The following DMD variants were observed in gnomAD, a reference collection of about 807,000 sequenced individuals.
DMD encodes the protein dystrophin.
Under a neutral mutation model 330.1 loss-of-function variants are expected in DMD, and 63 were observed. That is an observed-to-expected ratio of 0.19 (90% CI 0.16 to 0.24). The LOEUF (loss-of-function observed/expected upper bound fraction) is 0.24. Ranked by LOEUF, DMD falls within the 10% of genes least tolerant of loss-of-function variation. The pLI is 1.00. For synonymous variants in DMD, 1,223 were observed against 959.8 expected, an observed-to-expected ratio of 1.27 and a Z score of -5.07; for missense variants, 3,344 against 2,684.1, an observed-to-expected ratio of 1.25 and a Z score of -5.43.
intron 1 of DMD, among the ~76,000 whole-genome samples, chrX:33,151,001 C>A (rs983147856): frequency 1.8e-5 from 2 of 111,837 alleles, no homozygotes; most frequent in Non-Finnish European, 3.8e-5. Flanking sequence ...AAACTATATA[C>A]CAGACTATTA....
chrX:32,755,234 G>T (rs1314412972), intron 7 of DMD, among the ~76,000 whole-genome samples: 1 of 109,779 alleles, frequency 9.1e-6, no homozygotes, highest in Non-Finnish European at 1.9e-5. Flanking sequence ...TGAATGAGTA[G>T]TTCTAAGTAA....
At chrX:32,467,621 C>A (rs2040167681) in intron 23 of DMD, among the ~76,000 whole-genome samples, 1 of 88,481 alleles carries the variant, frequency 1.1e-5, no homozygotes, top group African/African-American at 3.8e-5. Flanking sequence ...ATATATAATT[C>A]CATTATACAC....
chrX:31,951,771 A>G (rs758017744), intron 45 of DMD, among the ~76,000 whole-genome samples: 40 of 111,411 alleles, frequency 3.6e-4, no homozygotes, highest in Middle Eastern at 9.3e-3. Context: ...ACAGTCTTTT[A>G]TATGTATCTA....
intron 53 of DMD, among the ~76,000 whole-genome samples, chrX:31,661,919 G>T (rs1424072728): frequency 8.9e-6 from 1 of 111,896 alleles, no homozygotes; most frequent in East Asian, 2.8e-4. Flanking sequence ...GAGACAACCT[G>T]AATTAATTTC....
At chrX:31,299,364 A>T (rs926870623) in intron 62 of DMD, among the ~76,000 whole-genome samples, 4 of 111,930 alleles carry the variant, frequency 3.6e-5, no homozygotes, top group African/African-American at 1.3e-4. Context: ...GGTAAAAAAA[A>T]AGCACATCTC....
At chrX:33,026,716 A>C (rs1451726802) in intron 1 of DMD, among the ~76,000 whole-genome samples, 1 of 111,912 alleles carries the variant, frequency 8.9e-6, no homozygotes, top group African/African-American at 3.3e-5. Flanking sequence ...TAAAATAATT[A>C]AACTTCTGCA....
At chrX:31,340,543 A>T (rs1258436400) in intron 61 of DMD, among the ~76,000 whole-genome samples, 2 of 111,308 alleles carry the variant, frequency 1.8e-5, no homozygotes, top group Admixed American at 1.9e-4. Context: ...TTTTTATTTT[A>T]TTTTGTAATA....
chrX:33,092,203 A>G (rs2095094597), intron 1 of DMD, among the ~76,000 whole-genome samples: 1 of 111,841 alleles, frequency 8.9e-6, no homozygotes, highest in African/African-American at 3.2e-5. Flanking sequence ...AGCAGCCATG[A>G]ATATCTCCTA....
At chrX:32,142,782 C>T (rs1364376859) in intron 44 of DMD, among the ~76,000 whole-genome samples, 1 of 112,402 alleles carries the variant, frequency 8.9e-6, no homozygotes, top group Non-Finnish European at 1.9e-5. Flanking sequence ...GCACACTATA[C>T]ATTTACCAAA....
Position 32,561,633 on chromosome X carries a change from C to T in DMD, c.1992+4069G>A, listed in dbSNP as rs976667341. On this transcript the variant is annotated intron_variant, in intron 16 of 78. Transcript: ENST00000357033. ...TCTCCAATCTAGAAAGCCAGCCAAA[C>T]ATTCAAATTCAGGAAATACAAGATA... is the stretch of plus-strand genomic sequence containing the variant. Among the ~76,000 whole-genome samples the T allele has an allele frequency of 5.4e-5, 6 of 111,422 alleles. No homozygotes were observed. In the East Asian group the frequency reaches 1.7e-3, roughly 32 times the overall value.
intron 9 of DMD, among the ~76,000 whole-genome samples, chrX:32,648,940 A>G (rs188220040): frequency 9.0e-6 from 1 of 111,061 alleles, no homozygotes; most frequent in African/African-American, 3.3e-5. Context: ...AGAAAGATAG[A>G]CCCCAATCGT....
At chrX:33,307,789 T>C (rs2053786534) in intron 1 of DMD, among the ~76,000 whole-genome samples, 1 of 111,548 alleles carries the variant, frequency 9.0e-6, no homozygotes, top group African/African-American at 3.3e-5. Flanking sequence ...GCAGCGCCTC[T>C]ATTGTTAGGG....
At chrX:32,942,672 T>C (rs1272342812) in intron 2 of DMD, among the ~76,000 whole-genome samples, 1 of 112,454 alleles carries the variant, frequency 8.9e-6, no homozygotes, top group African/African-American at 3.2e-5. Context: ...GGTAATAGAC[T>C]CTGCAATGAA....
intron 60 of DMD, among the ~76,000 whole-genome samples, chrX:31,421,673 T>C (rs2063367975): frequency 9.1e-6 from 1 of 110,332 alleles, no homozygotes. Context: ...GGATACGTCT[T>C]GTTTTCCACA....
intron 47 of DMD, among the ~76,000 whole-genome samples, chrX:31,897,945 A>AGT (rs760179217): frequency 0.058 from 6,353 of 110,099 alleles, 142 homozygotes; most frequent in African/African-American, 0.074. Flanking sequence ...CCATTTGTCA[A>AGT]TTTTGGCTTT....
At chrX:32,039,171 C>T (rs2095978018) in intron 44 of DMD, among the ~76,000 whole-genome samples, 1 of 110,483 alleles carries the variant, frequency 9.1e-6, no homozygotes, top group Non-Finnish European at 1.9e-5. Flanking sequence ...GAAGTAGAAA[C>T]AACACATACA....
intron 44 of DMD, among the ~76,000 whole-genome samples, chrX:32,025,543 T>C (rs1373199787): frequency 8.9e-6 from 1 of 112,028 alleles, no homozygotes; most frequent in Non-Finnish European, 1.9e-5. Context: ...TTTTGTTACA[T>C]GGAAAATTAT....
intron 4 of DMD, among the ~76,000 whole-genome samples, chrX:32,830,646 T>G (rs1471560021): frequency 9.0e-6 from 1 of 111,244 alleles, no homozygotes; most frequent in African/African-American, 3.3e-5. Flanking sequence ...ATGCCTTGAG[T>G]TTTTGCAGAA....
At chrX:32,704,912 TA>T (rs944253474) in intron 7 of DMD, among the ~76,000 whole-genome samples, 1 of 112,216 alleles carries the variant, frequency 8.9e-6, no homozygotes, top group African/African-American at 3.2e-5. Flanking sequence ...GTGCTGGAAG[TA>T]AAGTGGATTA....
Sources: allele counts gnomAD v4.1 joint callset (sites outside exome capture counted in the v4.1 genomes callset), GRCh38; gene constraint gnomAD v4.1.1; transcripts MANE v1.5; gene names NCBI Gene and HGNC (gene_info 2026-07-23, HGNC 2026-07-21).